Variants in COL9A1 observed in about 807,000 individuals in gnomAD.
COL9A1 encodes collagen type IX alpha 1 chain.
In COL9A1, 104 loss-of-function variants were observed where a neutral mutation model predicts 142.6. That is an observed-to-expected ratio of 0.73 (90% CI 0.62 to 0.86). The LOEUF (loss-of-function observed/expected upper bound fraction) is 0.86. Ranked by LOEUF, COL9A1 falls within the 40% of genes least tolerant of loss-of-function variation. COL9A1 has a pLI of 0.00. For missense variants in COL9A1, 1,210 were observed against 1,176.6 expected (o/e 1.03, Z -0.42); for synonymous variants, 466 against 396.0 (o/e 1.18, Z -2.10).
intron 10 of COL9A1, among the ~76,000 whole-genome samples, chr6:70,278,219 TTCACTA>T (rs1772894604): frequency 6.6e-6 from 1 of 152,192 alleles, no homozygotes; most frequent in East Asian, 1.9e-4. Context: ...GTACTAAAAA[TTCACTA>T]TCACTTTTTC....
chr6:70,263,396 T>C, intron 18 of COL9A1, 99 bp from the exon 19 acceptor site: 1 of 935,706 alleles, frequency 1.1e-6, no homozygotes, highest in Non-Finnish European at 1.6e-6. Context: ...TTAAGTTAAC[T>C]TGGTGACTCC....
In COL9A1 at chr6:70,242,699, A is replaced by G; in HGVS notation, c.1889T>C (p.Leu630Ser). The G allele has an allele frequency of 6.2e-7, 1 of 1,614,146 alleles. No homozygotes were observed. The highest frequency in any genetic ancestry group is 8.5e-7 in the Non-Finnish European group (1 of 1,179,994). The part of the protein sequence containing the change: ...PQGLPGSRGE[L>S]GPVGSPGLPG... ...TAGGCCTGGGGATCCCACTGGTCCT[A>G]ATTCTCCTCTACTGCCCTGTAAAAA... Residue 630 changes from leucine (L) to serine (S), a missense_variant, in exon 29 of 38, where the codon TTA becomes TCA. By Grantham distance (145) the Leu-to-Ser change is moderately radical (BLOSUM62 -2). Coordinates refer to ENST00000357250, the MANE Select transcript of COL9A1 (RefSeq NM_001851.6).
chr6:70,260,429 G>A (rs1489931264), intron 20 of COL9A1, among the ~76,000 whole-genome samples: 1 of 151,794 alleles, frequency 6.6e-6, no homozygotes, highest in East Asian at 1.9e-4. Flanking sequence ...TGTAATCCCA[G>A]CTGCTCTACT....
chr6:70,283,274 G>A (rs1343140566), intron 6 of COL9A1: 2 of 1,418,356 alleles, frequency 1.4e-6, no homozygotes, highest in African/African-American at 2.9e-5. Context: ...GGGGGCAGGG[G>A]AGGACGGATA....
intron 31 of COL9A1, among the ~76,000 whole-genome samples, chr6:70,241,085 G>C (rs1297939242): frequency 2.0e-5 from 3 of 152,160 alleles, no homozygotes; most frequent in Non-Finnish European, 4.4e-5. Flanking sequence ...CTGAGGTCTT[G>C]ATCAAGAAAA....
intron 5 of COL9A1, 119 bp downstream of exon 5, chr6:70,294,048 G>T: frequency 1.5e-6 from 2 of 1,372,736 alleles, no homozygotes; most frequent in Non-Finnish European, 2.1e-6. Flanking sequence ...AACTTCCTCT[G>T]ATTCCAAATT....
chr6:70,294,599 G>T, intron 4 of COL9A1, 36 bp from the exon 5 acceptor site: 1 of 1,601,968 alleles, frequency 6.2e-7, no homozygotes, highest in South Asian at 1.1e-5. Context: ...CATGCATCTT[G>T]TTTCCTGTAC....
chr6:70,300,399 T>C lies in COL9A1; in HGVS notation c.89-13A>G, dbSNP rs774158109. ...TTGACAGGGAATCCTGCAAAAGAGA[T>C]AGCATGTCATTCTACTTCATCCACT... is the stretch of plus-strand genomic sequence containing the variant. On this transcript the variant is annotated splice_polypyrimidine_tract_variant and intron_variant, in intron 2 of 37. Transcript: ENST00000357250. 2.9e-5 allele frequency: 45 copies of C among 1,527,676 alleles called. No individual in the cohort carries two copies. The highest frequency in any genetic ancestry group is 3.7e-5 in the Non-Finnish European group (41 of 1,101,860). The allele number at this position is 1,527,676 out of a possible 1,614,324, so 94.6% of individuals were successfully genotyped here. A position where few individuals can be genotyped will look rare whatever the true frequency, so the allele number is the denominator to read the frequency against.
intron 10 of COL9A1, among the ~76,000 whole-genome samples, chr6:70,278,571 C>CT (rs1480967352): frequency 5.9e-5 from 9 of 152,164 alleles, no homozygotes; most frequent in Admixed American, 5.2e-4. Context: ...CAGGGATTTC[C>CT]TTTTTTCTCC....
chr6:70,261,840 C>T (rs1430415655), intron 19 of COL9A1, among the ~76,000 whole-genome samples: 1 of 152,186 alleles, frequency 6.6e-6, no homozygotes, highest in African/African-American at 2.4e-5. Context: ...GAGGTGTCTA[C>T]TTTGAAGAAC....
At chr6:70,260,774 C>G in intron 19 of COL9A1, 64 bp from the exon 20 acceptor site, 1 of 1,514,294 alleles carries the variant, frequency 6.6e-7, no homozygotes, top group Non-Finnish European at 9.1e-7. Context: ...AAAATCTCAT[C>G]ACAAAAGCTG....
At chr6:70,283,262 TA>T in intron 6 of COL9A1, 1 of 1,435,060 alleles carries the variant, frequency 7.0e-7, no homozygotes, top group Non-Finnish European at 9.1e-7. Context: ...GGAGGAGAGC[TA>T]GGGGGCAGGG....
At chr6:70,266,196 C>G (rs924570797) in intron 18 of COL9A1, among the ~76,000 whole-genome samples, 1 of 152,084 alleles carries the variant, frequency 6.6e-6, no homozygotes, top group Non-Finnish European at 1.5e-5. Context: ...CAGATAATAA[C>G]GTAAGTTATT....
chr6:70,257,350 C>T (rs534355326), intron 20 of COL9A1, among the ~76,000 whole-genome samples: 2 of 152,290 alleles, frequency 1.3e-5, no homozygotes, highest in African/African-American at 4.8e-5. Context: ...TGAGCCACTG[C>T]ACCCAGCCCA....
chr6:70,240,752 G>A lies in COL9A1; in HGVS notation c.2035-19C>T, dbSNP rs1346612089. On this transcript the variant is annotated intron_variant, in intron 31 of 37. Transcript: ENST00000357250. The stretch of plus-strand genomic sequence containing the variant: ...AGGCACCCTAAAAATTAAGATAAAA[G>A]GTTACATTTTAAAATTCTTAGTCCC... 1.2e-6 allele frequency: 2 copies of A among 1,606,286 alleles called. No homozygotes were observed. The highest frequency in any genetic ancestry group is 2.7e-5 in the African/African-American group (2 of 74,614).
intron 17 of COL9A1, among the ~76,000 whole-genome samples, chr6:70,267,155 C>A (rs1379697647): frequency 6.6e-6 from 1 of 152,146 alleles, no homozygotes; most frequent in African/African-American, 2.4e-5. Context: ...TGACCAAGCT[C>A]AGCTGGCTAT....
At chr6:70,248,441 C>A (rs1562301154) in intron 28 of COL9A1, among the ~76,000 whole-genome samples, 1 of 152,212 alleles carries the variant, frequency 6.6e-6, no homozygotes, top group African/African-American at 2.4e-5. Flanking sequence ...CCACATGCCT[C>A]AGTAGCTCAT....
chr6:70,243,775 G>T (rs1047771735), intron 28 of COL9A1, among the ~76,000 whole-genome samples: 1 of 152,250 alleles, frequency 6.6e-6, no homozygotes, highest in Non-Finnish European at 1.5e-5. Context: ...TGATCCGCCC[G>T]CCTTGGCCTC....
In COL9A1 at chr6:70,270,921, G is replaced by C. The variant is rs374258002; in HGVS notation, c.1144-554C>G. On this transcript the variant is annotated intron_variant, in intron 14 of 37. Coordinates refer to ENST00000357250, the MANE Select transcript of COL9A1 (RefSeq NM_001851.6). ...CGAAGTAAACCGTTCAGATGAAAATGGGTTCCAATTACTCTTAACATCCAA... is the reference window on the plus strand; with the variant it reads ...CGAAGTAAACCGTTCAGATGAAAATCGGTTCCAATTACTCTTAACATCCAA... Among the ~76,000 whole-genome samples the C allele has an allele frequency of 8.1e-4, 124 of 152,278 alleles. 3 individuals are homozygous for C. In the South Asian group the frequency reaches 0.017, roughly 21 times the overall value.
Sources: allele counts gnomAD v4.1 joint callset (sites outside exome capture counted in the v4.1 genomes callset), GRCh38; gene constraint gnomAD v4.1.1; transcripts MANE v1.5; gene names NCBI Gene and HGNC (gene_info 2026-07-23, HGNC 2026-07-21).